DCC: variants seen among roughly 807,000 people sequenced by gnomAD.
DCC encodes the protein netrin receptor DCC.
In DCC, 58 loss-of-function variants were observed where a neutral mutation model predicts 172.5. That is an observed-to-expected ratio of 0.34 (90% CI 0.27 to 0.42). The LOEUF is 0.42. Among genes scored for constraint, DCC ranks in the 10% least tolerant of loss-of-function variants. DCC has a pLI of 1.00. For synonymous variants in DCC, 709 were observed against 644.5 expected (o/e 1.10, Z -1.52); for missense variants, 1,740 against 1,791.0 (o/e 0.97, Z 0.51).
chr18:52,984,428 T>A (rs2041260339), intron 5 of DCC, among the ~76,000 whole-genome samples: 1 of 152,036 alleles, frequency 6.6e-6, no homozygotes, highest in Non-Finnish European at 1.5e-5. Flanking sequence ...ATATGTTTGA[T>A]CATTAATAGA....
At chr18:52,468,735 C>T (rs551048349) in intron 1 of DCC, among the ~76,000 whole-genome samples, 2 of 152,310 alleles carry the variant, frequency 1.3e-5, no homozygotes, top group East Asian at 1.9e-4. Context: ...AATGTCCTTC[C>T]AGATTGTCTG....
intron 5 of DCC, among the ~76,000 whole-genome samples, chr18:53,009,404 C>T (rs928667621): frequency 6.6e-6 from 1 of 151,888 alleles, no homozygotes; most frequent in Non-Finnish European, 1.5e-5. Context: ...CTGGGATTTA[C>T]TCTACATATG....
intron 2 of DCC, among the ~76,000 whole-genome samples, chr18:52,868,117 A>G (rs2039259749): frequency 6.6e-6 from 1 of 151,210 alleles, no homozygotes; most frequent in Non-Finnish European, 1.5e-5. Context: ...ATTTGTATAT[A>G]TATGTGTGTG....
At chr18:52,371,978 G>A (rs1171569731) in intron 1 of DCC, among the ~76,000 whole-genome samples, 1 of 152,186 alleles carries the variant, frequency 6.6e-6, no homozygotes, top group Non-Finnish European at 1.5e-5. Context: ...CTTACTCTCT[G>A]ATCATGTCCT....
chr18:52,553,765 G>A (rs2032839431), intron 1 of DCC, among the ~76,000 whole-genome samples: 1 of 151,986 alleles, frequency 6.6e-6, no homozygotes, highest in Non-Finnish European at 1.5e-5. Context: ...GGTTAAGGAT[G>A]AATAGGAGTT....
chr18:53,179,660 T>G (rs2055165336), intron 9 of DCC, among the ~76,000 whole-genome samples: 1 of 150,936 alleles, frequency 6.6e-6, no homozygotes. Flanking sequence ...TTCAGCTATG[T>G]TTTTTTTTCA....
intron 2 of DCC, among the ~76,000 whole-genome samples, chr18:52,891,174 T>A (rs1464491687): frequency 6.6e-6 from 1 of 152,100 alleles, no homozygotes; most frequent in Non-Finnish European, 1.5e-5. Flanking sequence ...TTCATTGACT[T>A]CTCTCTTACC....
chr18:52,452,389 AAAG>A (rs1988333056), intron 1 of DCC, among the ~76,000 whole-genome samples: 1 of 152,164 alleles, frequency 6.6e-6, no homozygotes, highest in Non-Finnish European at 1.5e-5. Flanking sequence ...AATTATTCCG[AAAG>A]AAGTTCTGTG....
intron 1 of DCC, among the ~76,000 whole-genome samples, chr18:52,641,186 C>T (rs940531899): frequency 6.6e-5 from 10 of 152,136 alleles, no homozygotes; most frequent in African/African-American, 2.2e-4. Context: ...AAACTGGATC[C>T]TCATCTCTCA....
intron 1 of DCC, among the ~76,000 whole-genome samples, chr18:52,488,456 G>A (rs917034659): frequency 3.3e-5 from 5 of 152,098 alleles, no homozygotes; most frequent in East Asian, 1.9e-4. Context: ...ACTGTATGAT[G>A]AGGAAATAGA....
chr18:52,766,311 G>A (rs1320440112), intron 2 of DCC, among the ~76,000 whole-genome samples: 1 of 152,190 alleles, frequency 6.6e-6, no homozygotes, highest in African/African-American at 2.4e-5. Context: ...GTGTTACAGT[G>A]CTTTCAGCTC....
At chr18:53,221,695 A>G (rs1206769740) in intron 12 of DCC, among the ~76,000 whole-genome samples, 1 of 152,184 alleles carries the variant, frequency 6.6e-6, no homozygotes, top group African/African-American at 2.4e-5. Context: ...TCATAAAAAA[A>G]TTAATTTCCC....
chr18:53,093,282 A>G (rs998908239), intron 7 of DCC, among the ~76,000 whole-genome samples: 1 of 152,182 alleles, frequency 6.6e-6, no homozygotes, highest in Non-Finnish European at 1.5e-5. Flanking sequence ...GTCTCAAAAA[A>G]CTAATATTAA....
chr18:52,430,631 C>G (rs375605456), intron 1 of DCC, among the ~76,000 whole-genome samples: 2 of 152,208 alleles, frequency 1.3e-5, no homozygotes, highest in South Asian at 2.1e-4. Context: ...TTCTTACATA[C>G]ATACAAATGA....
chr18:53,201,883 G>T (rs553824066), intron 9 of DCC, among the ~76,000 whole-genome samples: 1 of 152,232 alleles, frequency 6.6e-6, no homozygotes, highest in African/African-American at 2.4e-5. Context: ...AGGAGTAAGG[G>T]TTCTTTCTGT....
rs1192876988 is a variant in DCC, at chr18:53,159,061, T to C, written c.1418+1549T>C. 2.0e-5 allele frequency among the ~76,000 whole-genome samples: 3 copies of C among 151,764 alleles called. No individual in the cohort carries two copies. The East Asian group carries it at 5.8e-4, about 29-fold the overall frequency. On this transcript the variant is annotated intron_variant, in intron 8 of 28. Transcript: ENST00000442544. ...TGTGCTCACTAAGATTATTCATTAC[T>C]GTGAAGAAACAGGCGTTCGTTTTAG...
chr18:53,142,585 C>T (rs1168369267), intron 7 of DCC, among the ~76,000 whole-genome samples: 26 of 152,110 alleles, frequency 1.7e-4, no homozygotes, highest in Non-Finnish European at 3.4e-4. Context: ...ACAGTCCCTA[C>T]CCCTCTTTAA....
chr18:52,542,247 T>C (rs1182028039), intron 1 of DCC, among the ~76,000 whole-genome samples: 1 of 151,844 alleles, frequency 6.6e-6, no homozygotes, highest in Non-Finnish European at 1.5e-5. Flanking sequence ...AATTCAATAG[T>C]AGCCACTCGA....
chr18:52,726,132 A>G (rs2036548294), intron 1 of DCC, among the ~76,000 whole-genome samples: 3 of 152,204 alleles, frequency 2.0e-5, no homozygotes, highest in South Asian at 2.1e-4. Context: ...TACAGGTAAT[A>G]TGTTAATTCC....
Sources: allele counts gnomAD v4.1 joint callset (sites outside exome capture counted in the v4.1 genomes callset), GRCh38; gene constraint gnomAD v4.1.1; transcripts MANE v1.5; gene names NCBI Gene and HGNC (gene_info 2026-07-23, HGNC 2026-07-21).